KLC3: variants seen among roughly 807,000 people sequenced by gnomAD.
KLC3 encodes kinesin light chain 2.
Under a neutral mutation model 62.9 loss-of-function variants are expected in KLC3, and 72 were observed. That is an observed-to-expected ratio of 1.15 (90% CI 0.95 to 1.39). The LOEUF is 1.39. Ranked by LOEUF, KLC3 falls within the 40% of genes most tolerant of loss-of-function variation. The probability of loss-of-function intolerance (pLI) is 0.00; values close to 1 mark genes in which losing one functional copy is unlikely to be tolerated. For missense variants in KLC3, 848 were observed against 691.6 expected (o/e 1.23, Z -2.54); for synonymous variants, 377 against 300.5 (o/e 1.25, Z -2.63).
At chr19:45,347,748 C>G (rs947284380) in intron 4 of KLC3, among the ~76,000 whole-genome samples, 193 bp from the exon 5 acceptor site, 1 of 152,170 alleles carries the variant, frequency 6.6e-6, no homozygotes, top group African/African-American at 2.4e-5. Flanking sequence ...CTGCCGTGTT[C>G]CTGTCCCGAG....
In KLC3 at chr19:45,350,429, T is replaced by C. The variant is rs779005130; in HGVS notation, c.1232T>C (p.Leu411Pro). 2 of 1,612,882 alleles carry C rather than the reference T, an allele frequency of 1.2e-6. No homozygotes were observed. The highest frequency in any genetic ancestry group is 1.7e-6 in the Non-Finnish European group (2 of 1,179,082). ...ILHKEDLPAP[L>P]GAPNTGTAGD... Reference sequence around the variant, plus strand: ...CACAAGGAGGACCTACCCGCCCCTCTCGGTGAGCCCCTAGCCCCTGTCTGT... The same window carrying C: ...CACAAGGAGGACCTACCCGCCCCTCCCGGTGAGCCCCTAGCCCCTGTCTGT... Residue 411 changes from leucine to proline, a missense_variant and splice_region_variant, in exon 9 of 13, where the codon CTC becomes CCC. Leu to Pro is a moderately conservative substitution (Grantham distance 98). Coordinates refer to ENST00000391946, the MANE Select transcript of KLC3 (RefSeq NM_177417.3).
chr19:45,346,634 G>T lies in KLC3; in HGVS notation c.349G>T (p.Val117Leu). Residue 117 changes from valine (V) to leucine (L), a missense_variant, in exon 3 of 13, where the codon GTG becomes TTG. Val to Leu is a conservative substitution (Grantham distance 32). Transcript: ENST00000391946. The stretch of plus-strand genomic sequence containing the variant: ...GGCCCGGCGGCTGGCCCAGGAGAAC[G>T]TGTGGCTGCGGGAGGAACTGGAGGA... ...SQARRLAQEN[V>L]WLREELEETQ... 6.4e-7 allele frequency: 1 copy of T among 1,553,864 alleles called. No individual in the cohort carries two copies. Among genetic ancestry groups the T allele is most frequent in the Non-Finnish European group, 8.7e-7 (1 of 1,149,060 alleles).
rs762080621 is a variant in KLC3 at position 45,349,615 on chromosome 19, G to T, written c.1143+13G>T. The T allele has an allele frequency of 6.2e-7, 1 of 1,601,066 alleles. No homozygotes were observed. The highest frequency in any genetic ancestry group is 1.1e-5 in the South Asian group (1 of 90,236). The stretch of plus-strand genomic sequence containing the variant: ...CAAGAACAACCTGGTGAGGCCCCTG[G>T]GGCTCAGAGTGGGCCAAGAGTGGAG... On this transcript the variant is annotated intron_variant, in intron 8 of 12. Coordinates refer to ENST00000391946, the MANE Select transcript of KLC3 (RefSeq NM_177417.3).
chr19:45,341,186 T>TTGTGTGTGTGTGTGTGTGTG, intron 1 of KLC3, among the ~76,000 whole-genome samples: 1 of 111,926 alleles, frequency 8.9e-6, no homozygotes, highest in African/African-American at 3.7e-5. Context: ...CTGCCTGTGT[T>TTGTGTGTGTGTGTGTGTGTG]TGTGTGTGTG....
At chr19:45,344,777 C>T (rs1026912280) in intron 1 of KLC3, 19 of 152,336 alleles carry the variant, frequency 1.2e-4, no homozygotes, top group African/African-American at 4.1e-4. Flanking sequence ...TTCAGACTCT[C>T]AGCTGTCACA....
chr19:45,348,206 C>T (rs749448534), intron 5 of KLC3, 46 bp downstream of exon 5: 40 of 1,498,928 alleles, frequency 2.7e-5, no homozygotes, highest in Non-Finnish European at 3.0e-5. Flanking sequence ...ACGGCAGGGA[C>T]CCATTGGGTG....
At chr19:45,347,599 G>C in intron 4 of KLC3, 83 bp downstream of exon 4, 1 of 1,299,444 alleles carries the variant, frequency 7.7e-7, no homozygotes, top group Admixed American at 2.2e-5. Flanking sequence ...CAAAATCTCT[G>C]AGCCAGGGGA....
At chr19:45,350,012 A>T (rs1458713949) in intron 8 of KLC3, 5 of 445,702 alleles carry the variant, frequency 1.1e-5, no homozygotes. Context: ...AGACAGGCTC[A>T]GAAACAGGAG....
At position 45,350,650 on chromosome 19, in the gene KLC3, C is replaced by A; in HGVS notation, c.1282C>A (p.Arg428Ser). 1.9e-6 allele frequency: 3 copies of A among 1,613,400 alleles called. No individual in the cohort carries two copies. Among genetic ancestry groups the A allele is most frequent in the Non-Finnish European group, 2.5e-6 (3 of 1,179,586 alleles). ...TAGDAEQALRRSSSLSKIRES... is the reference protein window; with the variant it reads ...TAGDAEQALRSSSSLSKIRES... ...CCCGGCCCCTCCCCAGGCCCTTCGCCGCAGCAGCTCACTCTCCAAGATCCG... is the reference window on the plus strand; with the variant it reads ...CCCGGCCCCTCCCCAGGCCCTTCGCAGCAGCAGCTCACTCTCCAAGATCCG... Residue 428 changes from arginine (R) to serine (S), a missense_variant, in exon 11 of 13, where the codon CGC (arginine) becomes AGC (serine). Arg to Ser is a moderately radical substitution (Grantham distance 110, BLOSUM62 -1). Transcript: ENST00000391946.
Position 45,345,794 on chromosome 19 carries a change from G to A in KLC3, c.253G>A (p.Ala85Thr), listed in dbSNP as rs1027226658. ...GGCCATCGAGCTGGGGCTGGGCGAG[G>A]CCCAGGTATGAGGGGGCCAGGTGGG... The part of the protein sequence containing the change: ...LEAIELGLGE[A>T]QVLLALSAHV... Residue 85 changes from alanine (A) to threonine (T), a missense_variant, in exon 2 of 13, where the codon GCC (alanine) becomes ACC (threonine). Coordinates refer to ENST00000391946, the MANE Select transcript of KLC3 (RefSeq NM_177417.3). 1.2e-5 allele frequency: 19 copies of A among 1,547,484 alleles called. No homozygotes were observed. Among genetic ancestry groups the A allele is most frequent in the Non-Finnish European group, 1.6e-5 (18 of 1,146,510 alleles).
At chr19:45,341,180 CTGTGTTTGTGTGTGTG>C (rs1032662836) in intron 1 of KLC3, among the ~76,000 whole-genome samples, 7 of 87,876 alleles carry the variant, frequency 8.0e-5, no homozygotes, top group African/African-American at 4.2e-4. Flanking sequence ...TCCTGCCTGC[CTGTGTTTGTGTGTGTG>C]TGTGTGTGTG....
intron 8 of KLC3, 115 bp downstream of exon 8, chr19:45,349,717 G>C: frequency 9.5e-7 from 1 of 1,056,944 alleles, no homozygotes; most frequent in Non-Finnish European, 1.3e-6. Context: ...CCCCCAGGCC[G>C]GGCCCTTGGA....
Position 45,346,555 on chromosome 19 carries a change from C to A in KLC3, c.270C>A (p.Ala90=). Reference sequence around the variant, plus strand: ...CCCACCCCGGGCAGGTGCTGCTGGCCCTGTCGGCACATGTGGGTGCACTGG... The same window carrying A: ...CCCACCCCGGGCAGGTGCTGCTGGCACTGTCGGCACATGTGGGTGCACTGG... ...LGLGEAQVLL[A]LSAHVGALEA... Residue 90 remains alanine, a synonymous_variant, in exon 3 of 13, where the codon GCC becomes GCA. Coordinates refer to ENST00000391946, the MANE Select transcript of KLC3 (RefSeq NM_177417.3). 6.5e-7 allele frequency: 1 copy of A among 1,535,646 alleles called. No homozygotes were observed.
Position 45,350,623 on chromosome 19 carries a change from T to TC in KLC3, c.1273-14dup, listed in dbSNP as rs1568527589. ...CATGGGCCTGGGGGACTGAGCAGCA[T>TC]CCCCGGCCCCTCCCCAGGCCCTTCG... is the stretch of plus-strand genomic sequence containing the variant. On this transcript the variant is annotated splice_polypyrimidine_tract_variant and intron_variant, in intron 10 of 12. Coordinates refer to ENST00000391946, the MANE Select transcript of KLC3 (RefSeq NM_177417.3). 1 of 1,612,834 alleles carries TC rather than the reference T, an allele frequency of 6.2e-7. No homozygotes were observed. Among genetic ancestry groups the TC allele is most frequent in the African/African-American group, 1.3e-5 (1 of 74,888 alleles).
In KLC3 at chr19:45,350,330, C is replaced by T; in HGVS notation, c.1144-11C>T. 1.9e-6 allele frequency: 3 copies of T among 1,612,042 alleles called. No individual in the cohort carries two copies. The highest frequency in any genetic ancestry group is 1.7e-6 in the Non-Finnish European group (2 of 1,179,364). ...GGTCCGAAAAGTTCCCAGACACTCC[C>T]TTCTCCGCAGGCCTCAGCCTACCTG... is the stretch of plus-strand genomic sequence containing the variant. On this transcript the variant is annotated splice_polypyrimidine_tract_variant and intron_variant, in intron 8 of 12. Transcript: ENST00000391946.
At chr19:45,351,232 A>C (rs980665244) in intron 12 of KLC3, 54 bp from the exon 13 acceptor site, 6 of 1,589,890 alleles carry the variant, frequency 3.8e-6, no homozygotes, top group Admixed American at 3.4e-5. Flanking sequence ...TGGAGGGTGG[A>C]TGTAACACTT....
rs966937324 is a variant in KLC3 at position 45,351,515 on chromosome 19, A to G, written c.*158A>G. 8 of 1,600,078 alleles carry G rather than the reference A, an allele frequency of 5.0e-6. No homozygotes were observed. The highest frequency in any genetic ancestry group is 6.8e-6 in the Non-Finnish European group (8 of 1,177,934). On this transcript the variant is annotated 3_prime_UTR_variant, in exon 13 of 13. Transcript: ENST00000391946. ...TGCGATTAAAGGCTGTGGACGTGAC[A>G]GTGAGAAATGTCACCTGACTTCATA... is the stretch of plus-strand genomic sequence containing the variant.
chr19:45,349,736 C>T (rs1971624189), intron 8 of KLC3, 134 bp downstream of exon 8: 3 of 848,462 alleles, frequency 3.5e-6, no homozygotes, highest in Non-Finnish European at 3.5e-6. Context: ...GAGCAAGTGT[C>T]AGACACAGGA....
At chr19:45,342,890 C>CT (rs1184077413) in intron 1 of KLC3, among the ~76,000 whole-genome samples, 1 of 152,190 alleles carries the variant, frequency 6.6e-6, no homozygotes, top group African/African-American at 2.4e-5. Context: ...GTACAGGACC[C>CT]TTACTGTATG....
Sources: allele counts gnomAD v4.1 joint callset (sites outside exome capture counted in the v4.1 genomes callset), GRCh38; gene constraint gnomAD v4.1.1; transcripts MANE v1.5; gene names NCBI Gene and HGNC (gene_info 2026-07-23, HGNC 2026-07-21).